HPSE2: variants seen among roughly 807,000 people sequenced by gnomAD.
HPSE2 encodes the protein inactive heparanase-2.
HPSE2 carries 38 observed loss-of-function variants against 60.5 expected under a neutral mutation model. The observed-to-expected ratio is 0.63, with a 90% CI of 0.48 to 0.82. The LOEUF is 0.82. Ranked by LOEUF, HPSE2 falls within the 40% of genes least tolerant of loss-of-function variation. The pLI, the probability that HPSE2 is intolerant of heterozygous loss-of-function variation, is 0.00. For missense variants in HPSE2, 713 were observed against 740.4 expected, an observed-to-expected ratio of 0.96 and a Z score of 0.43; for synonymous variants, 295 against 293.2, an observed-to-expected ratio of 1.01 and a Z score of -0.06.
At chr10:99,083,990 T>TTC (rs1843232481) in intron 3 of HPSE2, among the ~76,000 whole-genome samples, 1 of 149,582 alleles carries the variant, frequency 6.7e-6, no homozygotes, top group South Asian at 2.1e-4. Flanking sequence ...TTTTTTTTTT[T>TTC]TTAAGTAACT....
At chr10:98,852,580 T>G (rs571058285) in intron 3 of HPSE2, among the ~76,000 whole-genome samples, 21 of 152,326 alleles carry the variant, frequency 1.4e-4, no homozygotes, top group South Asian at 4.1e-4. Flanking sequence ...AAGAAGAATT[T>G]GAACAGACAG....
chr10:98,580,824 T>TTATATATATATATATATATATA lies in HPSE2; in HGVS notation c.1320+34079_1320+34080insTATATATATATATATATATATA, dbSNP rs779671429. The stretch of plus-strand genomic sequence containing the variant: ...CTGTTTAGTCAAGTTGTGCTTGGTT[T>TTATATATATATATATATATATA]TATATATATATATGTGTGTGTGTGT... On this transcript the variant is annotated intron_variant, in intron 9 of 11. Transcript: ENST00000370552. 9.9e-3 allele frequency among the ~76,000 whole-genome samples: 1,274 copies of TTATATATATATATATATATATA among 128,158 alleles called. 22 individuals are homozygous for TTATATATATATATATATATATA. Among genetic ancestry groups the TTATATATATATATATATATATA allele is most frequent in the Non-Finnish European group, 0.014 (860 of 62,912 alleles). The allele number at this position is 128,158 out of a possible 152,430, so 84.1% of individuals were successfully genotyped here. A position where few individuals can be genotyped will look rare whatever the true frequency, so the allele number is the denominator to read the frequency against.
chr10:98,501,442 C>A (rs571822534), intron 9 of HPSE2, among the ~76,000 whole-genome samples: 1 of 152,222 alleles, frequency 6.6e-6, no homozygotes, highest in Non-Finnish European at 1.5e-5. Flanking sequence ...GAATTAAAAA[C>A]AAAAATCACA....
intron 6 of HPSE2, among the ~76,000 whole-genome samples, chr10:98,686,433 G>A (rs190886589): frequency 6.6e-6 from 1 of 152,040 alleles, no homozygotes; most frequent in Non-Finnish European, 1.5e-5. Context: ...ATGGGATCTT[G>A]CTCTGTCACC....
intron 3 of HPSE2, among the ~76,000 whole-genome samples, chr10:98,871,927 T>C (rs1030236761): frequency 6.6e-6 from 1 of 152,102 alleles, no homozygotes; most frequent in East Asian, 1.9e-4. Context: ...AAATACAAAA[T>C]ACTAAATGCA....
intron 3 of HPSE2, among the ~76,000 whole-genome samples, chr10:98,791,788 T>G (rs1231351120): frequency 1.3e-5 from 2 of 152,178 alleles, no homozygotes; most frequent in Non-Finnish European, 2.9e-5. Flanking sequence ...TTGCCTGACA[T>G]TCCACAGCTA....
At chr10:99,093,803 G>A (rs1283415065) in intron 3 of HPSE2, among the ~76,000 whole-genome samples, 2 of 152,090 alleles carry the variant, frequency 1.3e-5, no homozygotes, top group Non-Finnish European at 2.9e-5. Context: ...AACTATAGCA[G>A]GCATGTAGAG....
At chr10:99,280,474 C>T in the HPSE2 span, among the ~76,000 whole-genome samples, 8 of 152,150 alleles carry the variant, frequency 5.3e-5, no homozygotes, top group African/African-American at 1.9e-4. Context: ...TATGCATTCC[C>T]AAATATCAAC....
chr10:98,694,051 G>T, intron 5 of HPSE2, 104 bp from the exon 6 acceptor site: 1 of 931,692 alleles, frequency 1.1e-6, no homozygotes, highest in South Asian at 1.3e-5. Flanking sequence ...CCTTAAGCAG[G>T]TATGCTTTCT....
At chr10:99,273,433 A>T in the HPSE2 span, among the ~76,000 whole-genome samples, 3 of 152,100 alleles carry the variant, frequency 2.0e-5, no homozygotes, top group Non-Finnish European at 4.4e-5. Context: ...AATAAATAAA[A>T]TTTTTTTAGT....
chr10:98,866,106 GAT>G (rs1347142987), intron 3 of HPSE2, among the ~76,000 whole-genome samples: 2 of 152,054 alleles, frequency 1.3e-5, no homozygotes, highest in South Asian at 2.1e-4. Context: ...AGAACTGACA[GAT>G]ATGTTAGAAT....
At chr10:98,863,712 T>C (rs1952516757) in intron 3 of HPSE2, among the ~76,000 whole-genome samples, 3 of 152,188 alleles carry the variant, frequency 2.0e-5, no homozygotes, top group Non-Finnish European at 4.4e-5. Flanking sequence ...CTAACTGTCA[T>C]TTATAAGTGT....
chr10:98,630,201 T>G (rs919093116), intron 7 of HPSE2, among the ~76,000 whole-genome samples: 9 of 149,294 alleles, frequency 6.0e-5, no homozygotes, highest in East Asian at 1.9e-4. Context: ...TTTTGTTTTT[T>G]TTTTTTTTGT....
intron 6 of HPSE2, among the ~76,000 whole-genome samples, chr10:98,685,311 T>C (rs900145852): frequency 5.3e-5 from 8 of 152,226 alleles, no homozygotes; most frequent in African/African-American, 1.4e-4. Context: ...ATCTTAAGCA[T>C]ATCATTTGAT....
At chr10:98,496,052 T>G (rs986108097) in intron 9 of HPSE2, among the ~76,000 whole-genome samples, 1 of 151,244 alleles carries the variant, frequency 6.6e-6, no homozygotes, top group Non-Finnish European at 1.5e-5. Context: ...TTGTTTTTGG[T>G]GTGTGTGTGT....
At chr10:98,692,632 G>T (rs1165157583) in intron 6 of HPSE2, among the ~76,000 whole-genome samples, 1 of 152,118 alleles carries the variant, frequency 6.6e-6, no homozygotes, top group Non-Finnish European at 1.5e-5. Context: ...AGCCGGGCAT[G>T]GGGGCGGGCG....
chr10:98,996,650 T>C (rs772288794), intron 3 of HPSE2, among the ~76,000 whole-genome samples: 1 of 152,182 alleles, frequency 6.6e-6, no homozygotes, highest in Non-Finnish European at 1.5e-5. Context: ...TAAACTGCGG[T>C]ATATTCATTT....
chr10:99,076,544 C>T (rs1344362934), intron 3 of HPSE2, among the ~76,000 whole-genome samples: 5 of 152,144 alleles, frequency 3.3e-5, no homozygotes, highest in Admixed American at 6.5e-5. Context: ...TGAGCCACCA[C>T]ACCTGGCTAA....
chr10:98,886,147 T>A (rs1229358912), intron 3 of HPSE2, among the ~76,000 whole-genome samples: 1 of 152,078 alleles, frequency 6.6e-6, no homozygotes, highest in Admixed American at 6.6e-5. Flanking sequence ...GAGGTCTTAG[T>A]TCACCTCCCC....
Sources: gnomAD v4.1 joint callset for allele counts (sites outside exome capture counted in the v4.1 genomes callset) on GRCh38, gnomAD v4.1.1 for gene constraint, MANE v1.5 for transcripts, NCBI Gene and HGNC (gene_info 2026-07-23, HGNC 2026-07-21) for gene names.